The following NKAIN2 variants were observed in gnomAD, a reference collection of about 807,000 sequenced individuals.
NKAIN2 encodes sodium/potassium transporting ATPase interacting 2.
A neutral mutation model predicts 32.6 loss-of-function variants in NKAIN2; 14 were observed. The observed-to-expected ratio is 0.43, with a 90% CI of 0.28 to 0.67. The LOEUF is 0.67. Ranked by LOEUF, NKAIN2 falls within the 30% of genes least tolerant of loss-of-function variation. The probability of loss-of-function intolerance (pLI) is 0.17; values close to 1 mark genes in which losing one functional copy is unlikely to be tolerated. For missense variants in NKAIN2, 198 were observed against 258.3 expected (o/e 0.77, Z 1.60); for synonymous variants, 80 against 87.2 (o/e 0.92, Z 0.46).
chr6:123,961,295 ATAC>A (rs1474909963), intron 1 of NKAIN2, among the ~76,000 whole-genome samples: 7 of 152,224 alleles, frequency 4.6e-5, no homozygotes, highest in Admixed American at 2.0e-4. Context: ...TTCTTGCTGT[ATAC>A]TACGATTATT....
chr6:124,245,298 A>T (rs753471434), intron 1 of NKAIN2, among the ~76,000 whole-genome samples: 1 of 152,160 alleles, frequency 6.6e-6, no homozygotes, highest in Non-Finnish European at 1.5e-5. Context: ...TTGATTCAAA[A>T]GATACTCAGC....
At chr6:124,491,008 T>C (rs1044689249) in intron 3 of NKAIN2, among the ~76,000 whole-genome samples, 10 of 152,000 alleles carry the variant, frequency 6.6e-5, no homozygotes, top group African/African-American at 2.4e-4. Flanking sequence ...CAAGTATCAG[T>C]ACATAATTTT....
At chr6:124,018,659 A>G (rs1311418132) in intron 1 of NKAIN2, among the ~76,000 whole-genome samples, 1 of 152,144 alleles carries the variant, frequency 6.6e-6, no homozygotes, top group Non-Finnish European at 1.5e-5. Context: ...CAAGTTCCTC[A>G]TCTCCATCTG....
At chr6:124,692,012 A>T (rs1226701966) in intron 4 of NKAIN2, among the ~76,000 whole-genome samples, 1 of 152,210 alleles carries the variant, frequency 6.6e-6, no homozygotes, top group African/African-American at 2.4e-5. Context: ...AAAGGATAAA[A>T]ATATAAAATG....
intron 4 of NKAIN2, among the ~76,000 whole-genome samples, chr6:124,752,762 G>T (rs1257689147): frequency 6.6e-6 from 1 of 152,038 alleles, no homozygotes; most frequent in Admixed American, 6.6e-5. Context: ...ATCTAAGTAT[G>T]CATCCAATGT....
At chr6:124,566,226 T>C (rs1780903881) in intron 3 of NKAIN2, among the ~76,000 whole-genome samples, 3 of 152,246 alleles carry the variant, frequency 2.0e-5, no homozygotes, top group Admixed American at 6.5e-5. Flanking sequence ...TTCTTATCTT[T>C]CTTTTAGCTC....
intron 3 of NKAIN2, among the ~76,000 whole-genome samples, chr6:124,442,044 G>A (rs1344094477): frequency 6.6e-6 from 1 of 152,006 alleles, no homozygotes. Flanking sequence ...TCTTGTGCAT[G>A]TTAGATCAAT....
rs73557563 is a variant in NKAIN2, at chr6:123,836,363, C to T, written c.54+32109C>T. Among the ~76,000 whole-genome samples the T allele has an allele frequency of 5.5e-3, 833 of 152,058 alleles. 5 individuals are homozygous for T. The highest frequency in any genetic ancestry group is 0.019 in the African/African-American group (782 of 41,512). ...CAAATGACAAAGATTAATATTACCACGAGAAATTTTGTTGATATCATGTAC... is the reference window on the plus strand; with the variant it reads ...CAAATGACAAAGATTAATATTACCATGAGAAATTTTGTTGATATCATGTAC... On this transcript the variant is annotated intron_variant, in intron 1 of 6. Coordinates refer to ENST00000368417, the MANE Select transcript of NKAIN2 (RefSeq NM_001040214.3).
intron 3 of NKAIN2, among the ~76,000 whole-genome samples, chr6:124,393,753 G>C (rs1029668301): frequency 6.6e-6 from 1 of 152,092 alleles, no homozygotes; most frequent in African/African-American, 2.4e-5. Flanking sequence ...TCATGCATGC[G>C]TAATGGCTGT....
intron 3 of NKAIN2, among the ~76,000 whole-genome samples, chr6:124,526,349 A>G (rs1231131153): frequency 2.0e-5 from 3 of 152,168 alleles, no homozygotes; most frequent in Non-Finnish European, 4.4e-5. Flanking sequence ...AGCCTTCCAC[A>G]TAGCAACTAC....
intron 4 of NKAIN2, among the ~76,000 whole-genome samples, chr6:124,750,184 G>A (rs533978401): frequency 4.0e-4 from 61 of 151,820 alleles, no homozygotes; most frequent in Middle Eastern, 6.8e-3. Flanking sequence ...ATAACACAAC[G>A]TCTGTCATAT....
At chr6:124,601,324 T>C (rs1043351647) in intron 3 of NKAIN2, among the ~76,000 whole-genome samples, 6 of 152,088 alleles carry the variant, frequency 3.9e-5, no homozygotes, top group Admixed American at 3.3e-4. Context: ...CAAGCTCTGA[T>C]ACCTGTGTTC....
At chr6:123,871,670 G>T (rs903347697) in intron 1 of NKAIN2, among the ~76,000 whole-genome samples, 13 of 152,100 alleles carry the variant, frequency 8.5e-5, no homozygotes, top group African/African-American at 2.9e-4. Context: ...TAGTTGCCTG[G>T]ATATAGACTT....
At chr6:124,162,133 G>T (rs1788312106) in intron 1 of NKAIN2, among the ~76,000 whole-genome samples, 1 of 152,022 alleles carries the variant, frequency 6.6e-6, no homozygotes, top group African/African-American at 2.4e-5. Flanking sequence ...TTGATTTCAG[G>T]CAGGTCAGGT....
intron 4 of NKAIN2, among the ~76,000 whole-genome samples, chr6:124,726,464 G>A (rs929181076): frequency 6.6e-6 from 1 of 151,848 alleles, no homozygotes; most frequent in Non-Finnish European, 1.5e-5. Context: ...ACCTCACACG[G>A]CAGGGTATTC....
At chr6:124,216,677 T>C (rs1188984080) in intron 1 of NKAIN2, among the ~76,000 whole-genome samples, 2 of 152,178 alleles carry the variant, frequency 1.3e-5, no homozygotes, top group Non-Finnish European at 2.9e-5. Context: ...ATGTGGGCAC[T>C]AAATAAGTTT....
At chr6:124,589,047 A>T (rs1441821796) in intron 3 of NKAIN2, among the ~76,000 whole-genome samples, 2 of 152,216 alleles carry the variant, frequency 1.3e-5, no homozygotes, top group African/African-American at 4.8e-5. Context: ...ATAATCATTT[A>T]AAAGCAAAAG....
chr6:123,824,215 G>A (rs1425895179), intron 1 of NKAIN2, among the ~76,000 whole-genome samples: 1 of 152,014 alleles, frequency 6.6e-6, no homozygotes, highest in Admixed American at 6.6e-5. Context: ...CCAGACAGAC[G>A]GATCTCACAA....
chr6:123,823,547 G>C (rs551997197), intron 1 of NKAIN2, among the ~76,000 whole-genome samples: 153 of 152,242 alleles, frequency 1.0e-3, no homozygotes, highest in African/African-American at 2.7e-3. Flanking sequence ...CGTAGCAAAG[G>C]TGATGGAAAT....
Sources: gnomAD v4.1 joint callset for allele counts (sites outside exome capture counted in the v4.1 genomes callset) on GRCh38, gnomAD v4.1.1 for gene constraint, MANE v1.5 for transcripts, NCBI Gene and HGNC (gene_info 2026-07-23, HGNC 2026-07-21) for gene names.